Variants in CSPP1 observed in about 807,000 individuals in gnomAD.
CSPP1 encodes the protein centrosome and spindle pole-associated protein 1.
In CSPP1, 126 loss-of-function variants were observed where a neutral mutation model predicts 164.4. That is an observed-to-expected ratio of 0.77 (90% CI 0.66 to 0.89). The LOEUF (loss-of-function observed/expected upper bound fraction) is 0.89, where lower values mean the gene tolerates loss of function less well. Among genes scored for constraint, CSPP1 ranks in the 40% least tolerant of loss-of-function variants. The pLI is 0.00. For missense variants in CSPP1, 1,395 were observed against 1,449.8 expected, an observed-to-expected ratio of 0.96 and a Z score of 0.61; for synonymous variants, 472 against 476.7, an observed-to-expected ratio of 0.99 and a Z score of 0.13.
At chr8:67,116,217 CAG>C in intron 13 of CSPP1, 95 bp downstream of exon 13, 1 of 896,054 alleles carries the variant, frequency 1.1e-6, no homozygotes, top group South Asian at 1.6e-5. Flanking sequence ...CGTTATTCTT[CAG>C]AGATTTTGTA....
chr8:67,120,246 G>A (rs911506223), intron 15 of CSPP1, among the ~76,000 whole-genome samples: 1 of 152,098 alleles, frequency 6.6e-6, no homozygotes, highest in African/African-American at 2.4e-5. Context: ...CTTTATCCCA[G>A]TACCTTAGTG....
Position 67,121,709 on chromosome 8 carries a change from T to C in CSPP1, c.1697+2888T>C, listed in dbSNP as rs577782883. ...GAAGTGTTCCCTCCTCTTGAACTTT[T>C]TGAAAAAGTTTGAGGATTTATATTA... On this transcript the variant is annotated intron_variant, in intron 15 of 30. Transcript: ENST00000678616. Among the ~76,000 whole-genome samples the C allele has an allele frequency of 8.3e-4, 126 of 152,284 alleles. 2 individuals are homozygous for C. In the South Asian group the frequency reaches 0.026, roughly 31 times the overall value.
At chr8:67,181,983 G>A (rs1333650882) in intron 28 of CSPP1, among the ~76,000 whole-genome samples, 1 of 152,092 alleles carries the variant, frequency 6.6e-6, no homozygotes, top group Non-Finnish European at 1.5e-5. Context: ...GTTTATCCAT[G>A]TTATAGCATG....
intron 20 of CSPP1, 33 bp from the exon 21 acceptor site, chr8:67,158,958 T>C (rs894564309): frequency 1.3e-6 from 2 of 1,521,902 alleles, no homozygotes; most frequent in Non-Finnish European, 1.8e-6. Flanking sequence ...AGAAGGAATA[T>C]ATGGAATGCA....
Position 67,124,625 on chromosome 8 carries a change from T to C in CSPP1, c.1697+5804T>C, listed in dbSNP as rs1819697152. On this transcript the variant is annotated intron_variant, in intron 15 of 30. Transcript: ENST00000678616. Reference sequence around the variant, plus strand: ...AAACAGTCTTCCCGCCTTAGCCTCCTGAGTAGCTGGGACTACAGGTGCATA... The same window carrying C: ...AAACAGTCTTCCCGCCTTAGCCTCCCGAGTAGCTGGGACTACAGGTGCATA... Among the ~76,000 whole-genome samples the C allele has an allele frequency of 2.0e-5, 3 of 152,016 alleles. No homozygotes were observed. In the South Asian group the frequency reaches 6.2e-4, roughly 32 times the overall value.
At chr8:67,158,172 G>A (rs185615230) in intron 19 of CSPP1, among the ~76,000 whole-genome samples, 47 of 152,194 alleles carry the variant, frequency 3.1e-4, no homozygotes, top group African/African-American at 9.2e-4. Context: ...AGATGTAGGC[G>A]TTAATAACTG....
At chr8:67,158,321 GA>G (rs1827058877) in intron 19 of CSPP1, 125 bp from the exon 20 acceptor site, 1 of 1,081,538 alleles carries the variant, frequency 9.2e-7, no homozygotes, top group South Asian at 2.3e-5. Flanking sequence ...ACAGGAGACT[GA>G]AAAATTTAGG....
intron 4 of CSPP1, chr8:67,086,874 T>C: frequency 3.1e-6 from 4 of 1,297,704 alleles, no homozygotes; most frequent in Non-Finnish European, 4.1e-6. Flanking sequence ...ACGTCCTCCT[T>C]CAGTTTTTTC....
rs146554261 is a variant in CSPP1 at position 67,151,215 on chromosome 8, A to G, written c.2128+1280A>G. Among the ~76,000 whole-genome samples the G allele has an allele frequency of 8.3e-4, 126 of 152,334 alleles. 1 individual carries two copies. The highest frequency in any genetic ancestry group is 2.8e-3 in the African/African-American group (116 of 41,572). On this transcript the variant is annotated intron_variant, in intron 18 of 30. Transcript: ENST00000678616. Reference sequence around the variant, plus strand: ...GAGAAAATGCTTTCTTTGTTCTACAATATATTTTATCGGATCCAGTTTTGA... The same window carrying G: ...GAGAAAATGCTTTCTTTGTTCTACAGTATATTTTATCGGATCCAGTTTTGA...
At chr8:67,086,945 A>T in intron 4 of CSPP1, 1 of 571,806 alleles carries the variant, frequency 1.7e-6, no homozygotes, top group Non-Finnish European at 2.9e-6. Context: ...ATGAGATTCA[A>T]ACCAATTAGG....
At position 67,086,888 on chromosome 8, in the gene CSPP1, C is replaced by CTT. The variant is rs75348559; in HGVS notation, c.303+792_303+793dup. The stretch of plus-strand genomic sequence containing the variant: ...TACGTCCTCCTTCAGTTTTTTCTTT[C>CTT]TTTTTTTTTTTTTTTACGATCTAGA... On this transcript the variant is annotated intron_variant, in intron 4 of 30. Coordinates refer to ENST00000678616, the MANE Select transcript of CSPP1 (RefSeq NM_001382391.1). 1,234 of 925,992 alleles carry CTT rather than the reference C, an allele frequency of 1.3e-3. 2 individuals carry two copies. The highest frequency in any genetic ancestry group is 3.4e-3 in the East Asian group (58 of 17,162). 57.4% of individuals were successfully genotyped at this position (925,992 alleles called of 1,614,324 possible).
chr8:67,145,423 T>C (rs1471003215), intron 17 of CSPP1, among the ~76,000 whole-genome samples: 1 of 152,118 alleles, frequency 6.6e-6, no homozygotes, highest in Non-Finnish European at 1.5e-5. Context: ...TTTTTTTCTC[T>C]GCTTTTCTTC....
chr8:67,084,500 C>T (rs1247566088), intron 3 of CSPP1, among the ~76,000 whole-genome samples: 1 of 152,138 alleles, frequency 6.6e-6, no homozygotes, highest in Non-Finnish European at 1.5e-5. Context: ...AGAAATAAGG[C>T]ACAAAATGGT....
intron 15 of CSPP1, among the ~76,000 whole-genome samples, chr8:67,119,185 T>C (rs1373625639): frequency 6.6e-6 from 1 of 152,202 alleles, no homozygotes; most frequent in African/African-American, 2.4e-5. Context: ...GGTTCATCCG[T>C]CTTTTAGCAT....
intron 3 of CSPP1, 108 bp downstream of exon 3, chr8:67,076,689 T>C: frequency 3.4e-6 from 2 of 585,432 alleles, no homozygotes; most frequent in Non-Finnish European, 5.8e-6. Flanking sequence ...CTAGTAGTTT[T>C]TCTTTCTGGA....
chr8:67,083,493 C>G (rs1451195383), intron 3 of CSPP1, among the ~76,000 whole-genome samples: 1 of 134,386 alleles, frequency 7.4e-6, no homozygotes, highest in Non-Finnish European at 1.5e-5. Context: ...GATTGCGCCA[C>G]TGCACTCCAG....
At chr8:67,067,915 T>A (rs951730012) in intron 1 of CSPP1, among the ~76,000 whole-genome samples, 7 of 151,284 alleles carry the variant, frequency 4.6e-5, no homozygotes, top group Non-Finnish European at 7.4e-5. Context: ...AGTGGCGTGA[T>A]CTGGGCTCAC....
At chr8:67,177,096 A>T (rs936939798) in intron 26 of CSPP1, among the ~76,000 whole-genome samples, 2 of 151,596 alleles carry the variant, frequency 1.3e-5, no homozygotes, top group African/African-American at 4.8e-5. Flanking sequence ...AAAAAAAAGA[A>T]TATGGCCTCA....
Position 67,193,491 on chromosome 8 carries a change from G to A in CSPP1, c.3358G>A (p.Asp1120Asn), listed in dbSNP as rs1417746857. The change falls in exon 30 of 31, where the codon GAT becomes AAT. Residue 1120 changes from aspartate (D) to asparagine (N), a missense_variant. Coordinates refer to ENST00000678616, the MANE Select transcript of CSPP1 (RefSeq NM_001382391.1). The stretch of plus-strand genomic sequence containing the variant: ...TAGCAGTCGTCCTAATGTAGCACCA[G>A]ATGGTCTCTCTCTAAAATCTATATC... ...IDSSRPNVAPDGLSLKSISSV... is the reference protein window; with the variant it reads ...IDSSRPNVAPNGLSLKSISSV... The A allele has an allele frequency of 1.9e-6, 3 of 1,613,614 alleles. No individual in the cohort carries two copies. In the South Asian group the frequency reaches 3.3e-5, roughly 18 times the overall value.
Sources: gnomAD v4.1 joint callset for allele counts (sites outside exome capture counted in the v4.1 genomes callset) on GRCh38, gnomAD v4.1.1 for gene constraint, MANE v1.5 for transcripts, NCBI Gene and HGNC (gene_info 2026-07-23, HGNC 2026-07-21) for gene names.